ABCC4: variants seen among roughly 807,000 people sequenced by gnomAD.
The protein encoded by ABCC4 is ATP binding cassette subfamily C member 4 (PEL blood group), also known as ATP-binding cassette sub-family C member 4.
In ABCC4, 102 loss-of-function variants were observed where a neutral mutation model predicts 168.5. That is an observed-to-expected ratio of 0.61 (90% CI 0.52 to 0.71). ABCC4 has a LOEUF of 0.71. Among genes scored for constraint, ABCC4 ranks in the 30% least tolerant of loss-of-function variants. ABCC4 has a pLI of 0.00. For missense variants in ABCC4, 1,402 were observed against 1,605.8 expected (o/e 0.87, Z 2.17); for synonymous variants, 617 against 590.7 (o/e 1.04, Z -0.65).
intron 16 of ABCC4, among the ~76,000 whole-genome samples, chr13:95,164,083 A>G (rs2037194200): frequency 6.6e-6 from 1 of 151,768 alleles, no homozygotes; most frequent in South Asian, 2.1e-4. Flanking sequence ...AGAAAGAATA[A>G]AAGGCTCAGA....
intron 20 of ABCC4, among the ~76,000 whole-genome samples, chr13:95,088,395 TTGACTTAA>T (rs1357146918): frequency 6.6e-6 from 1 of 152,174 alleles, no homozygotes; most frequent in East Asian, 1.9e-4. Flanking sequence ...ATTAATAAAC[TTGACTTAA>T]TGATGACCTA....
chr13:95,052,066 G>C (rs1015366331), intron 27 of ABCC4, among the ~76,000 whole-genome samples: 6 of 145,544 alleles, frequency 4.1e-5, no homozygotes, highest in African/African-American at 1.5e-4. Flanking sequence ...CTGCAACCTT[G>C]GCCTCCCAGG....
intron 23 of ABCC4, 148 bp downstream of exon 23, chr13:95,074,066 C>G: frequency 1.5e-6 from 1 of 646,338 alleles, no homozygotes; most frequent in Non-Finnish European, 2.6e-6. Context: ...CTGAATCCTA[C>G]CCAACCTGAC....
chr13:95,126,832 T>C (rs913231892), intron 19 of ABCC4, among the ~76,000 whole-genome samples: 56 of 146,706 alleles, frequency 3.8e-4, no homozygotes, highest in African/African-American at 1.4e-3. Flanking sequence ...TATTTATATA[T>C]ATTTAAGTAC....
At chr13:95,196,096 T>A (rs1164570710) in intron 8 of ABCC4, among the ~76,000 whole-genome samples, 2 of 152,142 alleles carry the variant, frequency 1.3e-5, no homozygotes, top group African/African-American at 4.8e-5. Flanking sequence ...TAATGATATA[T>A]GGGAAAACTC....
intron 11 of ABCC4, among the ~76,000 whole-genome samples, chr13:95,184,988 C>G (rs181419151): frequency 2.2e-4 from 33 of 152,276 alleles, no homozygotes; most frequent in African/African-American, 7.9e-4. Flanking sequence ...CAAAATTTCT[C>G]TAAAATGGAT....
intron 1 of ABCC4, among the ~76,000 whole-genome samples, chr13:95,290,864 G>A (rs1417653121): frequency 6.9e-6 from 1 of 144,820 alleles, no homozygotes; most frequent in Admixed American, 7.2e-5. Context: ...GGGTGTGGTG[G>A]CAAGCACCTG....
rs776055053 is a variant in ABCC4 at position 95,062,754 on chromosome 13, T to C, written c.3316A>G (p.Thr1106Ala). The C allele has an allele frequency of 3.1e-6, 5 of 1,613,852 alleles. No individual in the cohort carries two copies. The highest frequency in any genetic ancestry group is 2.2e-5 in the East Asian group (1 of 44,884). ...GKIWIDKILT[T>A]EIGLHDLRKK... ...CTTAAATCGTGAAGTCCAATTTCAG[T>C]TGTCAAGATCTTATCAATCCAAATT... is the stretch of plus-strand genomic sequence containing the variant. Residue 1106 changes from threonine to alanine, a missense_variant, in exon 26 of 31, where the codon ACT becomes GCT. Coordinates refer to ENST00000645237, the MANE Select transcript of ABCC4 (RefSeq NM_005845.5).
chr13:95,287,996 C>T (rs567300006), intron 1 of ABCC4, among the ~76,000 whole-genome samples: 7 of 151,022 alleles, frequency 4.6e-5, no homozygotes, highest in African/African-American at 1.7e-4. Flanking sequence ...GAGCCGAAAT[C>T]GCACCACTGC....
chr13:95,074,862 C>T (rs186750460), intron 22 of ABCC4, among the ~76,000 whole-genome samples: 7 of 152,248 alleles, frequency 4.6e-5, no homozygotes, highest in Admixed American at 3.3e-4. Context: ...TTTTAAAGTG[C>T]CATTTAATCA....
At chr13:95,214,884 CAAAAAA>C in intron 4 of ABCC4, among the ~76,000 whole-genome samples, 1 of 88,612 alleles carries the variant, frequency 1.1e-5, no homozygotes, top group African/African-American at 4.3e-5. Flanking sequence ...GACTCCAATT[CAAAAAA>C]AAAAAAAAAA....
intron 19 of ABCC4, among the ~76,000 whole-genome samples, chr13:95,142,421 G>T (rs761678249): frequency 2.0e-5 from 3 of 152,070 alleles, no homozygotes; most frequent in Non-Finnish European, 4.4e-5. Context: ...GGACTTTAAG[G>T]ACTTGAGGGG....
chr13:95,274,804 T>C (rs2040933238), intron 1 of ABCC4, among the ~76,000 whole-genome samples: 1 of 152,180 alleles, frequency 6.6e-6, no homozygotes, highest in Non-Finnish European at 1.5e-5. Flanking sequence ...AAGCCAGGCA[T>C]GGTGGCTTAT....
intron 20 of ABCC4, among the ~76,000 whole-genome samples, chr13:95,104,003 G>A (rs1278487266): frequency 6.6e-6 from 1 of 152,160 alleles, no homozygotes; most frequent in Non-Finnish European, 1.5e-5. Context: ...CCCAAGCAGG[G>A]CAACAGACAA....
chr13:95,100,387 T>G (rs1471526343), intron 20 of ABCC4, among the ~76,000 whole-genome samples: 1 of 152,172 alleles, frequency 6.6e-6, no homozygotes, highest in East Asian at 1.9e-4. Context: ...GGGTCCCCAG[T>G]GATTAACTGT....
chr13:95,270,971 T>A (rs898298513), intron 1 of ABCC4, among the ~76,000 whole-genome samples: 1 of 152,138 alleles, frequency 6.6e-6, no homozygotes, highest in Non-Finnish European at 1.5e-5. Flanking sequence ...GGCAGCCGCC[T>A]GTAGTCCCAG....
chr13:95,022,423 G>A (rs2031144983), intron 30 of ABCC4, among the ~76,000 whole-genome samples: 1 of 152,166 alleles, frequency 6.6e-6, no homozygotes, highest in Admixed American at 6.5e-5. Context: ...AGAACATAAA[G>A]GAAATGAAAT....
chr13:95,149,774 ACTGGGTATG>A (rs1361791159), intron 19 of ABCC4, among the ~76,000 whole-genome samples: 2 of 152,316 alleles, frequency 1.3e-5, no homozygotes, highest in Non-Finnish European at 2.9e-5. Flanking sequence ...CACAGAAAGA[ACTGGGTATG>A]CTATTTTTTC....
rs186086026 is a variant in ABCC4, at chr13:95,186,067, C to T, written c.1545+634G>A. Among the ~76,000 whole-genome samples, 98 of 152,006 alleles carry T rather than the reference C, an allele frequency of 6.4e-4. 2 individuals are homozygous for T. Among genetic ancestry groups the T allele is most frequent in the Middle Eastern group, 3.4e-3 (1 of 294 alleles). On this transcript the variant is annotated intron_variant, in intron 11 of 30. Coordinates refer to ENST00000645237, the MANE Select transcript of ABCC4 (RefSeq NM_005845.5). The stretch of plus-strand genomic sequence containing the variant: ...CCAAGTGCACGGTGCAGACATCTTC[C>T]GGAGTCTGACGCAAACCAATGGGTA...
Sources: gnomAD v4.1 joint callset for allele counts (sites outside exome capture counted in the v4.1 genomes callset) on GRCh38, gnomAD v4.1.1 for gene constraint, MANE v1.5 for transcripts, NCBI Gene and HGNC (gene_info 2026-07-23, HGNC 2026-07-21) for gene names.